The following KLF7 variants were observed in gnomAD, a reference collection of about 807,000 sequenced individuals.
KLF7 encodes the protein KLF transcription factor 7, also known as Krueppel-like factor 7.
Under a neutral mutation model 27.3 loss-of-function variants are expected in KLF7, and 2 were observed. The ratio of observed to expected loss-of-function variants is 0.07; its 90% confidence interval spans 0.03 to 0.23. The LOEUF is 0.23. KLF7 is among the 10% of genes least tolerant of loss of function. The pLI is 1.00. For synonymous variants in KLF7, 165 were observed against 162.4 expected, an observed-to-expected ratio of 1.02 and a Z score of -0.12; for missense variants, 221 against 394.1, an observed-to-expected ratio of 0.56 and a Z score of 3.72.
At chr2:207,156,587 AG>A (rs1279321515) in intron 1 of KLF7, among the ~76,000 whole-genome samples, 1 of 152,222 alleles carries the variant, frequency 6.6e-6, no homozygotes, top group Non-Finnish European at 1.5e-5. Context: ...GCAAGGCTGG[AG>A]TTTAAAGCCC....
At chr2:207,124,453 C>T in intron 1 of KLF7, 49 bp from the exon 2 acceptor site, 1 of 1,506,376 alleles carries the variant, frequency 6.6e-7, no homozygotes, top group Non-Finnish European at 8.9e-7. Flanking sequence ...AGGCACAGAA[C>T]ACCATGAGGC....
At chr2:207,149,482 A>T (rs144858070) in intron 1 of KLF7, among the ~76,000 whole-genome samples, 841 of 152,330 alleles carry the variant, frequency 5.5e-3, no homozygotes, top group Middle Eastern at 0.02. Flanking sequence ...CACTCTGCTC[A>T]GCGGTGGTGC....
chr2:207,142,041 G>A (rs2077957310), intron 1 of KLF7, among the ~76,000 whole-genome samples: 1 of 152,022 alleles, frequency 6.6e-6, no homozygotes, highest in Non-Finnish European at 1.5e-5. Flanking sequence ...AATCTGTAGA[G>A]AAGGCACCAT....
rs182701546 is a variant in KLF7 at position 207,130,513 on chromosome 2, T to C, written c.103-6109A>G. Among the ~76,000 whole-genome samples, 402 of 152,368 alleles carry C rather than the reference T, an allele frequency of 2.6e-3. 5 individuals carry two copies. The highest frequency in any genetic ancestry group is 0.02 in the Middle Eastern group (6 of 294). On this transcript the variant is annotated intron_variant, in intron 1 of 3. Coordinates refer to ENST00000309446, the MANE Select transcript of KLF7 (RefSeq NM_003709.4). ...AAACCTGTACCTCTGTTTTCTCATA[T>C]GGCAGATATGTCTAAGTGTTTGAAG...
chr2:207,166,738 C>G (rs963835645), upstream of KLF7: 2 of 948,684 alleles, frequency 2.1e-6, no homozygotes, highest in Non-Finnish European at 2.5e-6. Context: ...GAGGCGGTGC[C>G]GGGGAGGTCC....
chr2:207,120,185 T>TA (rs1275285142), intron 2 of KLF7, among the ~76,000 whole-genome samples: 1 of 151,990 alleles, frequency 6.6e-6, no homozygotes, highest in East Asian at 1.9e-4. Context: ...AAATAATAAA[T>TA]AAAAAATCAC....
intron 1 of KLF7, among the ~76,000 whole-genome samples, chr2:207,136,449 T>C (rs2077792180): frequency 4.2e-5 from 6 of 143,856 alleles, no homozygotes; most frequent in Admixed American, 4.1e-4. Flanking sequence ...GCACATCTGT[T>C]TCCTTTTCAT....
intron 1 of KLF7, among the ~76,000 whole-genome samples, chr2:207,152,144 C>T (rs182577623): frequency 9.2e-5 from 14 of 152,158 alleles, no homozygotes; most frequent in Admixed American, 5.9e-4. Context: ...GCATCACTTC[C>T]TCAGTGAAAC....
rs2076167387 is a variant in KLF7, at chr2:207,075,853, A to T, written c.*5360T>A. On this transcript the variant is annotated 3_prime_UTR_variant, in exon 4 of 4. Coordinates refer to ENST00000309446, the MANE Select transcript of KLF7 (RefSeq NM_003709.4). ...AAGTCTGGGTTTAGATAGGAAATGCATGCTGGGAAGAAAAAACAAAAAGGT... is the reference window on the plus strand; with the variant it reads ...AAGTCTGGGTTTAGATAGGAAATGCTTGCTGGGAAGAAAAAACAAAAAGGT... 1.3e-5 allele frequency: 2 copies of T among 152,194 alleles called. No individual in the cohort carries two copies. Among genetic ancestry groups the T allele is most frequent in the Non-Finnish European group, 1.5e-5 (1 of 68,030 alleles). 9.4% of individuals were successfully genotyped at this position (152,194 alleles called of 1,614,324 possible).
At chr2:207,147,582 G>T (rs1200188549) in intron 1 of KLF7, among the ~76,000 whole-genome samples, 3 of 152,058 alleles carry the variant, frequency 2.0e-5, no homozygotes, top group African/African-American at 7.2e-5. Flanking sequence ...GAGTGGCTGG[G>T]GCGGAGGAGT....
intron 2 of KLF7, among the ~76,000 whole-genome samples, chr2:207,109,594 A>T (rs1574469914): frequency 6.6e-6 from 1 of 152,378 alleles, no homozygotes; most frequent in East Asian, 1.9e-4. Context: ...TGTAAAGATC[A>T]ATACAAGTGA....
At chr2:207,101,159 G>A (rs1204733117) in intron 2 of KLF7, among the ~76,000 whole-genome samples, 2 of 152,160 alleles carry the variant, frequency 1.3e-5, no homozygotes, top group Non-Finnish European at 2.9e-5. Context: ...CTAACTCACC[G>A]GCAATGAAAG....
intron 1 of KLF7, among the ~76,000 whole-genome samples, chr2:207,157,219 T>TAAAAAAAAAAAAAAAAAAAAAAAAAAAG (rs5838052): frequency 5.7e-5 from 5 of 87,314 alleles, no homozygotes; most frequent in Non-Finnish European, 9.1e-5. Flanking sequence ...AACAGAAAAG[T>TAAAAAAAAAAAAAAAAAAAAAAAAAAAG]AAAAAAAAAA....
At chr2:207,101,889 G>A (rs2076773160) in intron 2 of KLF7, among the ~76,000 whole-genome samples, 1 of 152,070 alleles carries the variant, frequency 6.6e-6, no homozygotes, top group Non-Finnish European at 1.5e-5. Context: ...TCCCTTTAAG[G>A]GCAGAGGCCA....
upstream of KLF7, among the ~76,000 whole-genome samples, chr2:207,168,898 C>G (rs775731674): frequency 6.6e-6 from 1 of 152,204 alleles, no homozygotes. Context: ...CACAAGAGAA[C>G]TTTGGCAGTT....
At chr2:207,134,023 A>C in intron 1 of KLF7, 1 of 1,476,106 alleles carries the variant, frequency 6.8e-7, no homozygotes, top group Non-Finnish European at 9.1e-7. Flanking sequence ...TTGCACACAC[A>C]CTCACACACC....
intron 1 of KLF7, among the ~76,000 whole-genome samples, chr2:207,151,041 G>C (rs983047561): frequency 6.6e-6 from 1 of 150,714 alleles, no homozygotes; most frequent in Non-Finnish European, 1.5e-5. Context: ...GAGGGAGGGA[G>C]GGTGAAAAGG....
chr2:207,136,652 A>G (rs2269072), intron 1 of KLF7, among the ~76,000 whole-genome samples: 31,480 of 152,164 alleles, frequency 0.21, 3,522 homozygotes, highest in Middle Eastern at 0.35. Flanking sequence ...CTATTAACAT[A>G]GAAGTTTCAG....
Position 207,081,144 on chromosome 2 carries a change from AG to A in KLF7, c.*68del, listed in dbSNP as rs1559106205. On this transcript the variant is annotated 3_prime_UTR_variant, in exon 4 of 4. Coordinates refer to ENST00000309446, the MANE Select transcript of KLF7 (RefSeq NM_003709.4). ...GGCAATGGGTCCCCGCCTGAAGTCC[AG>A]CCCCCTGCCTCATGGCGTTTCCTTT... is the stretch of plus-strand genomic sequence containing the variant. The A allele has an allele frequency of 2.8e-6, 4 of 1,430,582 alleles. No homozygotes were observed. The highest frequency in any genetic ancestry group is 3.9e-6 in the Non-Finnish European group (4 of 1,013,134). 88.6% of individuals were successfully genotyped at this position (1,430,582 alleles called of 1,614,324 possible). A position where few individuals can be genotyped will look rare whatever the true frequency, so the allele number is the denominator to read the frequency against.
Sources: allele counts gnomAD v4.1 joint callset (sites outside exome capture counted in the v4.1 genomes callset), GRCh38; gene constraint gnomAD v4.1.1; transcripts MANE v1.5; gene names NCBI Gene and HGNC (gene_info 2026-07-23, HGNC 2026-07-21).